The following USP15 variants were observed in gnomAD, a reference collection of about 807,000 sequenced individuals.
USP15 encodes ubiquitin specific peptidase 15, also known as ubiquitin carboxyl-terminal hydrolase 15.
A neutral mutation model predicts 127.1 loss-of-function variants in USP15; 18 were observed. That is an observed-to-expected ratio of 0.14 (90% CI 0.10 to 0.21). USP15 has a LOEUF of 0.21. USP15 is among the 10% of genes least tolerant of loss of function. USP15 has a pLI of 1.00. For synonymous variants in USP15, 364 were observed against 393.7 expected, an observed-to-expected ratio of 0.92 and a Z score of 0.89; for missense variants, 805 against 1,159.9, an observed-to-expected ratio of 0.69 and a Z score of 4.44.
chr12:62,298,831 A>C (rs1338165683), intron 2 of USP15, among the ~76,000 whole-genome samples: 1 of 43,476 alleles, frequency 2.3e-5, no homozygotes, highest in Non-Finnish European at 5.0e-5. Context: ...CCTGTCTTGC[A>C]AAAAAAAAAA....
chr12:62,315,428 T>A (rs1859693800), intron 4 of USP15, among the ~76,000 whole-genome samples: 1 of 151,960 alleles, frequency 6.6e-6, no homozygotes, highest in African/African-American at 2.4e-5. Context: ...AAAATATATA[T>A]AAATTGTTTT....
intron 3 of USP15, among the ~76,000 whole-genome samples, chr12:62,310,316 C>G (rs1263823551): frequency 1.3e-5 from 2 of 151,832 alleles, no homozygotes; most frequent in Non-Finnish European, 2.9e-5. Flanking sequence ...TGCTACCAAA[C>G]ATTGAATTTA....
chr12:62,295,724 A>C (rs899743441), intron 2 of USP15, among the ~76,000 whole-genome samples: 4 of 152,214 alleles, frequency 2.6e-5, no homozygotes, highest in East Asian at 3.9e-4. Flanking sequence ...ACTAGATTAA[A>C]AAGTTAAGAA....
intron 1 of USP15, among the ~76,000 whole-genome samples, chr12:62,268,662 A>G (rs1274123946): frequency 1.3e-5 from 2 of 152,146 alleles, no homozygotes; most frequent in Non-Finnish European, 2.9e-5. Flanking sequence ...GTTCAAAGTC[A>G]GTCTCTAAAA....
intron 20 of USP15, among the ~76,000 whole-genome samples, chr12:62,399,736 T>G (rs1012425542): frequency 3.3e-5 from 5 of 152,182 alleles, no homozygotes; most frequent in African/African-American, 1.2e-4. Flanking sequence ...ATGAAACATT[T>G]CTTCCACATG....
intron 8 of USP15, among the ~76,000 whole-genome samples, chr12:62,379,579 G>A (rs566431580): frequency 5.7e-4 from 87 of 152,246 alleles, no homozygotes; most frequent in Admixed American, 2.4e-3. Context: ...ACTCAGGTTT[G>A]TGCAACTTGG....
chr12:62,314,875 A>G lies in USP15; in HGVS notation c.434A>G (p.Asn145Ser). The change falls in exon 4 of 22, where the codon AAT (asparagine) becomes AGT (serine). Residue 145 changes from asparagine to serine, a missense_variant. Physicochemically the swap from Asn to Ser is conservative, Grantham distance 46 (BLOSUM62 1). This residue lies in a region of USP15 where 57 missense variants were observed against 47.3 expected (regional missense o/e 1.20). Coordinates refer to ENST00000280377, the MANE Select transcript of USP15 (RefSeq NM_001252078.2). ...AAGCTATGTGAAAATGGAAACATGA[A>G]TAATGTTGTAACTCGAAGATTTAGC... Reference protein sequence around the residue: ...ELKLCENGNMNNVVTRRFSKA... With the variant: ...ELKLCENGNMSNVVTRRFSKA... 1 of 1,597,682 alleles carries G rather than the reference A, an allele frequency of 6.3e-7. No individual in the cohort carries two copies. The highest frequency in any genetic ancestry group is 1.3e-5 in the African/African-American group (1 of 74,222).
chr12:62,347,808 T>TG (rs2065863994), intron 6 of USP15, among the ~76,000 whole-genome samples: 2 of 152,146 alleles, frequency 1.3e-5, no homozygotes, highest in South Asian at 4.1e-4. Context: ...GAAATCCCAC[T>TG]TAACAGAATC....
At chr12:62,282,332 AAAAAAAATAAATAAAT>A (rs2063677094) in intron 1 of USP15, among the ~76,000 whole-genome samples, 1 of 151,906 alleles carries the variant, frequency 6.6e-6, no homozygotes, top group Non-Finnish European at 1.5e-5. Context: ...CCTGTCTCCA[AAAAAAAATAAATAAAT>A]AAGTTTAACT....
intron 6 of USP15, among the ~76,000 whole-genome samples, chr12:62,342,942 C>T (rs547452): frequency 0.066 from 10,003 of 152,192 alleles, 578 homozygotes; most frequent in East Asian, 0.23. Context: ...TGGGAGAATC[C>T]CCCTTGTCAG....
At chr12:62,323,132 C>G (rs2065032145) in intron 5 of USP15, among the ~76,000 whole-genome samples, 2 of 152,132 alleles carry the variant, frequency 1.3e-5, no homozygotes, top group Admixed American at 1.3e-4. Context: ...TAGGATGTTT[C>G]TACTTTGGAG....
At chr12:62,345,761 A>C (rs141321676) in intron 6 of USP15, among the ~76,000 whole-genome samples, 1 of 152,282 alleles carries the variant, frequency 6.6e-6, no homozygotes, top group African/African-American at 2.4e-5. Flanking sequence ...GGGGCCTCAC[A>C]ATCATGGCAG....
At position 62,280,562 on chromosome 12, in the gene USP15, G is replaced by A. The variant is rs556990134; in HGVS notation, c.90-13617G>A. ...TGGAAGGGATGAGGTGTCTCTCTGG[G>A]AGCCTCTTTTATAAAGGCATAAATT... On this transcript the variant is annotated intron_variant, in intron 1 of 21. Coordinates refer to ENST00000280377, the MANE Select transcript of USP15 (RefSeq NM_001252078.2). 4.6e-5 allele frequency among the ~76,000 whole-genome samples: 7 copies of A among 152,230 alleles called. No homozygotes were observed. The South Asian group carries it at 1.5e-3, about 32-fold the overall frequency.
At chr12:62,402,638 C>CAA (rs964632737) in intron 21 of USP15, among the ~76,000 whole-genome samples, 1 of 151,972 alleles carries the variant, frequency 6.6e-6, no homozygotes, top group African/African-American at 2.4e-5. Flanking sequence ...GGATGTGACT[C>CAA]AAAGGAAAAG....
chr12:62,401,104 T>C (rs2067673261), intron 20 of USP15, 83 bp from the exon 21 acceptor site: 2 of 835,930 alleles, frequency 2.4e-6, no homozygotes, highest in African/African-American at 1.7e-5. Context: ...TAGATATTCC[T>C]TATATAGATG....
Position 62,390,901 on chromosome 12 carries a change from G to A in USP15, c.1882G>A (p.Glu628Lys). Residue 628 changes from glutamate to lysine, a missense_variant, in exon 15 of 22, where the codon GAA (glutamate) becomes AAA (lysine). This residue lies in a region of USP15 where 225 missense variants were observed against 239.5 expected (regional missense o/e 0.94). Transcript: ENST00000280377. The stretch of plus-strand genomic sequence containing the variant: ...AATATCTACTGAAACTGAAGAAACT[G>A]AAGGATCCCTACACTGCTGTAAGGA... The part of the protein sequence containing the change: ...VKISTETEET[E>K]GSLHCCKDQN... The A allele has an allele frequency of 1.2e-6, 2 of 1,612,180 alleles. No individual in the cohort carries two copies. The highest frequency in any genetic ancestry group is 8.5e-7 in the Non-Finnish European group (1 of 1,178,968).
intron 3 of USP15, chr12:62,305,791 T>C (rs944924642): frequency 2.3e-4 from 35 of 152,274 alleles, no homozygotes; most frequent in African/African-American, 8.0e-4. Context: ...TTGGGCACTC[T>C]TCTTCCATGT....
At chr12:62,293,511 T>C (rs2064036894) in intron 1 of USP15, among the ~76,000 whole-genome samples, 1 of 152,010 alleles carries the variant, frequency 6.6e-6, no homozygotes, top group Non-Finnish European at 1.5e-5. Flanking sequence ...CACCTACCAC[T>C]ATGCCTCCCA....
At chr12:62,356,284 G>C (rs181024528) in intron 8 of USP15, among the ~76,000 whole-genome samples, 5 of 150,918 alleles carry the variant, frequency 3.3e-5, no homozygotes, top group Admixed American at 6.6e-5. Flanking sequence ...TTTTTTTGTT[G>C]AATCTCCTAT....
Sources: gnomAD v4.1 joint callset for allele counts (sites outside exome capture counted in the v4.1 genomes callset) on GRCh38, gnomAD v4.1.1 for gene constraint, gnomAD v4.1.1 regional missense constraint, MANE v1.5 for transcripts, NCBI Gene and HGNC (gene_info 2026-07-23, HGNC 2026-07-21) for gene names.